The following IDH3B variants were observed in gnomAD, a reference collection of about 807,000 sequenced individuals.
IDH3B encodes isocitrate dehydrogenase [NAD] subunit beta, mitochondrial.
A neutral mutation model predicts 47.5 loss-of-function variants in IDH3B; 40 were observed. The ratio of observed to expected loss-of-function variants is 0.84; its 90% CI spans 0.65 to 1.10. The LOEUF is 1.10. Ranked by LOEUF, IDH3B falls within the 50% of genes least tolerant of loss-of-function variation. The pLI, the probability that IDH3B is intolerant of heterozygous loss-of-function variation, is 0.00. For synonymous variants in IDH3B, 185 were observed against 191.0 expected (o/e 0.97, Z 0.26); for missense variants, 450 against 505.2 (o/e 0.89, Z 1.05).
intron 10 of IDH3B, 40 bp downstream of exon 10, chr20:2,659,659 C>CA: frequency 6.2e-7 from 1 of 1,609,740 alleles, no homozygotes; most frequent in South Asian, 1.1e-5. Context: ...TGCTCCTCCT[C>CA]ACGACACCCA....
intron 4 of IDH3B, among the ~76,000 whole-genome samples, chr20:2,662,617 G>A (rs565876258): frequency 2.6e-5 from 4 of 152,228 alleles, no homozygotes; most frequent in East Asian, 1.9e-4. Flanking sequence ...TCAAGAGTTC[G>A]AGACCAGCCT....
chr20:2,662,675 C>T (rs536544600), intron 4 of IDH3B, among the ~76,000 whole-genome samples: 1 of 152,060 alleles, frequency 6.6e-6, no homozygotes, highest in Non-Finnish European at 1.5e-5. Flanking sequence ...AAAAATTAGC[C>T]TGGGCATGGT....
At position 2,658,873 on chromosome 20, in the gene IDH3B, G is replaced by C. The variant is rs534301416; in HGVS notation, c.1072-36C>G. Reference sequence around the variant, plus strand: ...CACCGGCAACAGCCGTGGGGAGGGAGAAAAGAGAGCCCATGAAGGGAGGTA... The same window carrying C: ...CACCGGCAACAGCCGTGGGGAGGGACAAAAGAGAGCCCATGAAGGGAGGTA... On this transcript the variant is annotated intron_variant, in intron 11 of 11. Transcript: ENST00000380843. The C allele has an allele frequency of 2.5e-4, 411 of 1,613,616 alleles. 13 individuals carry two copies. In the South Asian group the frequency reaches 4.4e-3, roughly 17 times the overall value.
In IDH3B at chr20:2,658,503, C is replaced by T. The variant is rs750974369; in HGVS notation, c.*248G>A. 6.2e-7 allele frequency: 1 copy of T among 1,614,102 alleles called. No individual in the cohort carries two copies. Among genetic ancestry groups the T allele is most frequent in the East Asian group, 2.2e-5 (1 of 44,890 alleles). ...GAAGTCATGGCAAGTAGCATAGCCA[C>T]CCATGTCAGAGGTTCGAACCTGTGG... On this transcript the variant is annotated 3_prime_UTR_variant, in exon 12 of 12. Transcript: ENST00000380843.
chr20:2,660,067 C>T lies in IDH3B; in HGVS notation c.878G>A (p.Gly293Asp). The T allele has an allele frequency of 6.2e-7, 1 of 1,614,102 alleles. No individual in the cohort carries two copies. The highest frequency in any genetic ancestry group is 1.3e-5 in the African/African-American group (1 of 75,022). Reference protein sequence around the residue: ...GLVGGAGVVPGESYSAEYAVF... With the variant: ...GLVGGAGVVPDESYSAEYAVF... ...TGCGTATTCTGCACTATAGCTCTCACCAGGGACCACACCAGCTCCCCCAAC... is the reference window on the plus strand; with the variant it reads ...TGCGTATTCTGCACTATAGCTCTCATCAGGGACCACACCAGCTCCCCCAAC... The change falls in exon 9 of 12, where the codon GGT (glycine) becomes GAT (aspartate). Residue 293 changes from glycine to aspartate, a missense_variant. Transcript: ENST00000380843. The surrounding 1 kb of genome is among the most constrained non-coding windows in gnomAD (Gnocchi z 5.6).
At chr20:2,661,392 C>T (rs1324242242) in intron 4 of IDH3B, among the ~76,000 whole-genome samples, 5 of 152,154 alleles carry the variant, frequency 3.3e-5, no homozygotes, top group South Asian at 2.1e-4. Context: ...GAGGCAGTGT[C>T]TCACCATGTT....
Position 2,658,832 on chromosome 20 carries a change from C to G in IDH3B, c.1077G>C (p.Arg359=). Residue 359 remains arginine (R), a synonymous_variant, in exon 12 of 12, where the codon CGG becomes CGC. Transcript: ENST00000380843. ...VKKVIKVGKV[R]TRDMGGYSTT... ...TGCTGTAGCCGCCCATGTCTCGAGT[C>G]CGCACCTACAGCCACCACCGGCAAC... 2 of 1,614,046 alleles carry G rather than the reference C, an allele frequency of 1.2e-6. No homozygotes were observed. Among genetic ancestry groups the G allele is most frequent in the Non-Finnish European group, 1.7e-6 (2 of 1,180,032 alleles).
rs781697514 is a variant in IDH3B at position 2,660,841 on chromosome 20, C to G, written c.399-12G>C. ...AGTCCAACTTACGCCTGAGGGTGGG[C>G]AGGGCCATCAGCTCTGCTCCTGGTG... On this transcript the variant is annotated splice_polypyrimidine_tract_variant and intron_variant, in intron 5 of 11. Transcript: ENST00000380843. The surrounding 1 kb of genome is among the most constrained non-coding windows in gnomAD (Gnocchi z 5.6). 6.8e-6 allele frequency: 11 copies of G among 1,614,054 alleles called. No homozygotes were observed. The highest frequency in any genetic ancestry group is 9.3e-6 in the Non-Finnish European group (11 of 1,180,040).
At chr20:2,661,548 TAAC>T (rs991668726) in intron 4 of IDH3B, among the ~76,000 whole-genome samples, 1 of 152,216 alleles carries the variant, frequency 6.6e-6, no homozygotes, top group Non-Finnish European at 1.5e-5. Context: ...AGCCTGGGTT[TAAC>T]AACAAGTTGA....
chr20:2,661,383 AGGCAGTGTCTCACCATGTTGG>A (rs1461065750), intron 4 of IDH3B, among the ~76,000 whole-genome samples: 1 of 152,200 alleles, frequency 6.6e-6, no homozygotes, highest in Non-Finnish European at 1.5e-5. Context: ...TTTTTAGTAG[AGGCAGTGTCTCACCATGTTGG>A]CCAGGCTGGT....
At chr20:2,663,335 G>A in intron 4 of IDH3B, 111 bp downstream of exon 4, 1 of 1,264,072 alleles carries the variant, frequency 7.9e-7, no homozygotes, top group Non-Finnish European at 1.2e-6. Context: ...ACCAATGGTG[G>A]TTGCCCTGGA....
chr20:2,660,689 G>A lies in IDH3B; in HGVS notation c.531+8C>T, dbSNP rs1279658579. ...ATCCTTGCCCTCCCCCAGTTTCTGGGGCCTCACCTCATGTTCCAGAGAGCT... is the reference window on the plus strand; with the variant it reads ...ATCCTTGCCCTCCCCCAGTTTCTGGAGCCTCACCTCATGTTCCAGAGAGCT... On this transcript the variant is annotated splice_region_variant and intron_variant, in intron 6 of 11. Coordinates refer to ENST00000380843, the MANE Select transcript of IDH3B (RefSeq NM_006899.5). This position sits in a 1 kb window ranked among gnomAD's most constrained non-coding sequence, Gnocchi z 5.6. 1.2e-6 allele frequency: 2 copies of A among 1,613,928 alleles called. No individual in the cohort carries two copies. Among genetic ancestry groups the A allele is most frequent in the African/African-American group, 1.3e-5 (1 of 74,860 alleles).
At position 2,660,514 on chromosome 20, in the gene IDH3B, T is replaced by G. The variant is rs1568548655; in HGVS notation, c.608A>C (p.Asp203Ala). Residue 203 changes from aspartate to alanine, a missense_variant, in exon 7 of 12, where the codon GAC (aspartate) becomes GCC (alanine). Transcript: ENST00000380843. This position sits in a 1 kb window ranked among gnomAD's most constrained non-coding sequence, Gnocchi z 5.6. ...KSQRIAKFAFDYATKKGRGKV... is the reference protein window; with the variant it reads ...KSQRIAKFAFAYATKKGRGKV... ...GCCCCGCCCCTTCTTGGTGGCATAG[T>G]CAAAGGCGAACTTTGCAATCCGCTG... The G allele has an allele frequency of 6.2e-7, 1 of 1,614,002 alleles. No individual in the cohort carries two copies. Among genetic ancestry groups the G allele is most frequent in the Non-Finnish European group, 8.5e-7 (1 of 1,179,990 alleles).
rs1485373969 is a variant in IDH3B, at chr20:2,661,206, T to TGTGTGTGTGC, written c.338-238_338-237insGCACACACAC. On this transcript the variant is annotated intron_variant, in intron 4 of 11. Coordinates refer to ENST00000380843, the MANE Select transcript of IDH3B (RefSeq NM_006899.5). The stretch of plus-strand genomic sequence containing the variant: ...GTGTGTGTGTGTGTGTGTGTGTGCG[T>TGTGTGTGTGC]GTGTGAGAGACACAGGGTCTCACTC... Among the ~76,000 whole-genome samples, 8 of 147,750 alleles carry TGTGTGTGTGC rather than the reference T, an allele frequency of 5.4e-5. No individual in the cohort carries two copies. The South Asian group carries it at 1.1e-3, about 20-fold the overall frequency.
chr20:2,658,736 A>G lies in IDH3B; in HGVS notation c.*15T>C. 1.2e-6 allele frequency: 2 copies of G among 1,614,142 alleles called. No individual in the cohort carries two copies. Among genetic ancestry groups the G allele is most frequent in the Non-Finnish European group, 1.7e-6 (2 of 1,180,018 alleles). ...GGGAGTGTGGTCCTTGCAAGGTTGG[A>G]AGAAATAAAGGGCTCTAGCTCCCTT... On this transcript the variant is annotated 3_prime_UTR_variant, in exon 12 of 12. Coordinates refer to ENST00000380843, the MANE Select transcript of IDH3B (RefSeq NM_006899.5).
Position 2,658,973 on chromosome 20 carries a change from G to A in IDH3B, c.1072-136C>T. ...AAAAGGCAATGCACAGGAATGGAAG[G>A]AGGAGCCAGGATGGGAAGCACATGG... is the stretch of plus-strand genomic sequence containing the variant. On this transcript the variant is annotated intron_variant, in intron 11 of 11. Coordinates refer to ENST00000380843, the MANE Select transcript of IDH3B (RefSeq NM_006899.5). 3 of 1,374,056 alleles carry A rather than the reference G, an allele frequency of 2.2e-6. No homozygotes were observed. The South Asian group carries it at 4.2e-5, about 19-fold the overall frequency. 85.1% of individuals were successfully genotyped at this position (1,374,056 alleles called of 1,614,324 possible). A position where few individuals can be genotyped will look rare whatever the true frequency, so the allele number is the denominator to read the frequency against.
At chr20:2,663,075 C>T (rs1386728860) in intron 4 of IDH3B, among the ~76,000 whole-genome samples, 2 of 148,756 alleles carry the variant, frequency 1.3e-5, no homozygotes, top group Non-Finnish European at 1.5e-5. Context: ...TGCAGTGAGC[C>T]GAGATCGCGC....
chr20:2,660,245 G>A lies in IDH3B; in HGVS notation c.768+18C>T, dbSNP rs769036490. The A allele has an allele frequency of 5.6e-6, 9 of 1,613,392 alleles. No homozygotes were observed. In the South Asian group the frequency reaches 7.7e-5, roughly 14 times the overall value. ...CCTCCTCCTCCGCCCCATGAGTAGAGATGTGGGGAGGCCTCACCTGCATGC... is the reference window on the plus strand; with the variant it reads ...CCTCCTCCTCCGCCCCATGAGTAGAAATGTGGGGAGGCCTCACCTGCATGC... On this transcript the variant is annotated intron_variant, in intron 8 of 11. Coordinates refer to ENST00000380843, the MANE Select transcript of IDH3B (RefSeq NM_006899.5). The surrounding 1 kb of genome is among the most constrained non-coding windows in gnomAD (Gnocchi z 5.6).
At chr20:2,661,651 T>G (rs1281300490) in intron 4 of IDH3B, among the ~76,000 whole-genome samples, 1 of 152,230 alleles carries the variant, frequency 6.6e-6, no homozygotes, top group Non-Finnish European at 1.5e-5. Flanking sequence ...TGAATATCAA[T>G]TATATGTCAG....
Sources: allele counts gnomAD v4.1 joint callset (sites outside exome capture counted in the v4.1 genomes callset), GRCh38; gene constraint gnomAD v4.1.1; non-coding constraint Gnocchi (gnomAD v3.1); transcripts MANE v1.5; gene names NCBI Gene and HGNC (gene_info 2026-07-23, HGNC 2026-07-21).